The following IMMP2L variants were observed in gnomAD, a reference collection of about 807,000 sequenced individuals.
IMMP2L encodes the protein inner mitochondrial membrane peptidase subunit 2.
A neutral mutation model predicts 19.3 loss-of-function variants in IMMP2L; 18 were observed. The ratio of observed to expected loss-of-function variants is 0.93; its 90% CI spans 0.64 to 1.38. The LOEUF (loss-of-function observed/expected upper bound fraction) is 1.38. Among genes scored for constraint, IMMP2L ranks in the 40% most tolerant of loss-of-function variants. The pLI, the probability that IMMP2L is intolerant of heterozygous loss-of-function variation, is 0.00. For missense variants in IMMP2L, 233 were observed against 218.2 expected (o/e 1.07, Z -0.43); for synonymous variants, 76 against 73.0 (o/e 1.04, Z -0.21).
chr7:111,473,865 C>G (rs1480875184), intron 3 of IMMP2L, among the ~76,000 whole-genome samples: 2 of 152,122 alleles, frequency 1.3e-5, no homozygotes, highest in Admixed American at 1.3e-4. Flanking sequence ...AAGATGCACA[C>G]ACTCATATGT....
chr7:110,986,815 A>C (rs1244893597), intron 3 of IMMP2L, among the ~76,000 whole-genome samples: 1 of 148,292 alleles, frequency 6.7e-6, no homozygotes, highest in Non-Finnish European at 1.5e-5. Context: ...ATATCTTCTT[A>C]GTTAGTAAAA....
chr7:110,938,896 T>A (rs559738162), intron 4 of IMMP2L, among the ~76,000 whole-genome samples: 2 of 152,260 alleles, frequency 1.3e-5, no homozygotes, highest in Admixed American at 1.3e-4. Flanking sequence ...TTTTCTTGAC[T>A]CTATCATGAA....
intron 3 of IMMP2L, among the ~76,000 whole-genome samples, chr7:111,231,253 GCTA>G (rs1000510764): frequency 6.6e-6 from 1 of 151,856 alleles, no homozygotes; most frequent in African/African-American, 2.4e-5. Context: ...TCTATTTGCT[GCTA>G]CTACAATTAA....
At chr7:110,872,193 A>G (rs547721193) in intron 5 of IMMP2L, among the ~76,000 whole-genome samples, 1 of 152,284 alleles carries the variant, frequency 6.6e-6, no homozygotes, top group African/African-American at 2.4e-5. Flanking sequence ...AATATATCGG[A>G]TATCTAGCCA....
intron 3 of IMMP2L, among the ~76,000 whole-genome samples, chr7:111,178,544 G>T (rs531916817): frequency 1.3e-5 from 2 of 152,022 alleles, no homozygotes; most frequent in Non-Finnish European, 2.9e-5. Flanking sequence ...ACCCACAGTA[G>T]AACTTTTGAA....
At chr7:111,403,500 G>A (rs1045221694) in intron 3 of IMMP2L, among the ~76,000 whole-genome samples, 4 of 151,914 alleles carry the variant, frequency 2.6e-5, no homozygotes, top group African/African-American at 9.7e-5. Flanking sequence ...CACCCAGGTT[G>A]GTGCAATCAC....
chr7:111,533,745 T>A (rs1036270949), intron 1 of IMMP2L, among the ~76,000 whole-genome samples: 4 of 151,772 alleles, frequency 2.6e-5, no homozygotes, highest in Non-Finnish European at 5.9e-5. Context: ...AATAGAAATA[T>A]AAAAATAACA....
chr7:111,067,462 G>T (rs771894582), intron 3 of IMMP2L, among the ~76,000 whole-genome samples: 5 of 152,184 alleles, frequency 3.3e-5, no homozygotes, highest in Non-Finnish European at 5.9e-5. Flanking sequence ...TAGCATTTAC[G>T]AATGTGCTTC....
At chr7:110,730,131 T>C (rs973442114) in intron 5 of IMMP2L, among the ~76,000 whole-genome samples, 25 of 152,134 alleles carry the variant, frequency 1.6e-4, no homozygotes, top group African/African-American at 5.6e-4. Flanking sequence ...CAGTGTCAAC[T>C]TGATTGGATT....
At chr7:110,807,963 C>G (rs118097298) in intron 5 of IMMP2L, among the ~76,000 whole-genome samples, 2 of 151,926 alleles carry the variant, frequency 1.3e-5, no homozygotes, top group African/African-American at 4.8e-5. Flanking sequence ...TACACACAGC[C>G]TGAAGGTTTT....
chr7:111,151,597 A>C (rs982143531), intron 3 of IMMP2L, among the ~76,000 whole-genome samples: 1 of 152,154 alleles, frequency 6.6e-6, no homozygotes, highest in Non-Finnish European at 1.5e-5. Flanking sequence ...TCTTTTGAAA[A>C]AACCAAATGT....
chr7:111,322,979 C>T lies in IMMP2L; in HGVS notation c.239+164259G>A, dbSNP rs147827921. ...ATGGTGAATGCACCTTTGTTTTACA[C>T]GGACGGCTGCATCTCCCACATTTGC... On this transcript the variant is annotated intron_variant, in intron 3 of 5. Transcript: ENST00000405709. Among the ~76,000 whole-genome samples, 219 of 151,384 alleles carry T rather than the reference C, an allele frequency of 1.4e-3. 1 individual carries two copies. The highest frequency in any genetic ancestry group is 5.1e-3 in the African/African-American group (209 of 41,324).
intron 3 of IMMP2L, among the ~76,000 whole-genome samples, chr7:111,360,671 A>C (rs1485692797): frequency 6.6e-6 from 1 of 152,040 alleles, no homozygotes; most frequent in East Asian, 1.9e-4. Flanking sequence ...TAAAAAAATT[A>C]GTCAAGCATG....
intron 2 of IMMP2L, chr7:111,492,391 T>G (rs1297813609): frequency 1.5e-5 from 15 of 984,262 alleles, no homozygotes; most frequent in African/African-American, 3.5e-5. Context: ...CAGGTCCAGT[T>G]TCTAACCCGC....
rs183361067 is a variant in IMMP2L at position 111,274,712 on chromosome 7, T to C, written c.239+212526A>G. On this transcript the variant is annotated intron_variant, in intron 3 of 5. Transcript: ENST00000405709. Reference sequence around the variant, plus strand: ...GAGAGAAGGGTTTTCTGAAGTATACTGCTGTGGTTGTTTTCTGAACAACTG... The same window carrying C: ...GAGAGAAGGGTTTTCTGAAGTATACCGCTGTGGTTGTTTTCTGAACAACTG... 4.8e-4 allele frequency among the ~76,000 whole-genome samples: 73 copies of C among 152,328 alleles called. No individual in the cohort carries two copies. In the East Asian group the frequency reaches 0.011, roughly 23 times the overall value.
intron 3 of IMMP2L, among the ~76,000 whole-genome samples, chr7:111,178,898 A>T (rs1430029003): frequency 6.6e-6 from 1 of 152,008 alleles, no homozygotes; most frequent in Non-Finnish European, 1.5e-5. Flanking sequence ...GTTCATGTTG[A>T]TATTTTGATC....
At chr7:110,695,105 T>A (rs559424375) in intron 5 of IMMP2L, among the ~76,000 whole-genome samples, 1 of 152,048 alleles carries the variant, frequency 6.6e-6, no homozygotes, top group Non-Finnish European at 1.5e-5. Context: ...GAGGTTTCCT[T>A]TGGGGTAATG....
intron 3 of IMMP2L, among the ~76,000 whole-genome samples, chr7:111,346,589 A>G (rs894161018): frequency 2.6e-5 from 4 of 152,076 alleles, no homozygotes; most frequent in Non-Finnish European, 5.9e-5. Flanking sequence ...TACTTTCACT[A>G]TGGTATTTTA....
intron 5 of IMMP2L, among the ~76,000 whole-genome samples, chr7:110,833,745 T>C (rs1804182945): frequency 6.6e-6 from 1 of 152,200 alleles, no homozygotes; most frequent in South Asian, 2.1e-4. Context: ...TGTATTTCAA[T>C]GGTAACTCAG....
Sources: gnomAD v4.1 joint callset for allele counts (sites outside exome capture counted in the v4.1 genomes callset) on GRCh38, gnomAD v4.1.1 for gene constraint, MANE v1.5 for transcripts, NCBI Gene and HGNC (gene_info 2026-07-23, HGNC 2026-07-21) for gene names.